The following ANKAR variants were observed in gnomAD, a reference collection of about 807,000 sequenced individuals.
ANKAR encodes ankyrin and armadillo repeat-containing protein.
Under a neutral mutation model 146.2 loss-of-function variants are expected in ANKAR, and 136 were observed. That is an observed-to-expected ratio of 0.93 (90% CI 0.81 to 1.07). The LOEUF (loss-of-function observed/expected upper bound fraction) is 1.07. Among genes scored for constraint, ANKAR ranks in the 50% least tolerant of loss-of-function variants. ANKAR has a pLI of 0.00. For missense variants in ANKAR, 1,567 were observed against 1,679.9 expected (o/e 0.93, Z 1.18); for synonymous variants, 500 against 575.8 (o/e 0.87, Z 1.88).
In ANKAR at chr2:189,745,027, C is replaced by CTACTAATAA. The variant is rs376824673; in HGVS notation, c.4057+241_4057+242insCTAATAATA. On this transcript the variant is annotated intron_variant, in intron 22 of 22. Coordinates refer to ENST00000684021, the MANE Select transcript of ANKAR (RefSeq NM_001378068.1). ...ACTACTACTACTACTACTACTACTA[C>CTACTAATAA]TAATAATACAAAAATTAGCCAGGCA... Among the ~76,000 whole-genome samples the CTACTAATAA allele has an allele frequency of 1.5e-4, 20 of 131,116 alleles. 1 individual carries two copies. Among genetic ancestry groups the CTACTAATAA allele is most frequent in the African/African-American group, 5.0e-4 (18 of 35,848 alleles). The allele number at this position is 131,116 out of a possible 152,430, so 86.0% of individuals were successfully genotyped here.
At position 189,744,620 on chromosome 2, in the gene ANKAR, G is replaced by A. The variant is rs539732127; in HGVS notation, c.4011-122G>A. The A allele has an allele frequency of 5.0e-4, 299 of 603,336 alleles. 7 individuals are homozygous for A. In the South Asian group the frequency reaches 5.9e-3, roughly 12 times the overall value. The allele number at this position is 603,336 out of a possible 1,614,324, so 37.4% of individuals were successfully genotyped here. A position where few individuals can be genotyped will look rare whatever the true frequency, so the allele number is the denominator to read the frequency against. ...CATGCAGAGTTAGTGGAGGTAACATGTATGAATTAGGCCATTAGGCATTAA... is the reference window on the plus strand; with the variant it reads ...CATGCAGAGTTAGTGGAGGTAACATATATGAATTAGGCCATTAGGCATTAA... On this transcript the variant is annotated intron_variant, in intron 21 of 22. Transcript: ENST00000684021.
At chr2:189,744,148 G>T (rs1159357647) in intron 21 of ANKAR, among the ~76,000 whole-genome samples, 1 of 152,112 alleles carries the variant, frequency 6.6e-6, no homozygotes, top group Non-Finnish European at 1.5e-5. Context: ...AAGAGAATAG[G>T]ATCCAATAGT....
intron 3 of ANKAR, among the ~76,000 whole-genome samples, chr2:189,690,593 A>G (rs1036250013): frequency 1.3e-5 from 2 of 152,210 alleles, no homozygotes; most frequent in Non-Finnish European, 2.9e-5. Context: ...TTGCTTTCCA[A>G]GCATGTAGGC....
intron 2 of ANKAR, among the ~76,000 whole-genome samples, chr2:189,682,291 C>A (rs1232651528): frequency 1.3e-5 from 2 of 151,900 alleles, no homozygotes; most frequent in African/African-American, 4.8e-5. Context: ...CATAGTGAGA[C>A]CCCCATCTTT....
At chr2:189,706,590 A>C (rs1004043511) in intron 8 of ANKAR, among the ~76,000 whole-genome samples, 15 of 152,232 alleles carry the variant, frequency 9.9e-5, no homozygotes, top group Non-Finnish European at 7.3e-5. Flanking sequence ...CCTCAGTTAC[A>C]TGATTTGCAA....
At chr2:189,692,548 T>A in intron 4 of ANKAR, 130 bp downstream of exon 4, 2 of 763,686 alleles carry the variant, frequency 2.6e-6, no homozygotes, top group East Asian at 5.8e-5. Context: ...AACTCAATAA[T>A]TTTTTCATAC....
In ANKAR at chr2:189,676,642, T is replaced by G; in HGVS notation, c.152T>G (p.Leu51Arg). The G allele has an allele frequency of 6.2e-7, 1 of 1,614,180 alleles. No individual in the cohort carries two copies. The highest frequency in any genetic ancestry group is 8.5e-7 in the Non-Finnish European group (1 of 1,180,022). ...SEIQELLTTA[L>R]VSWLSAKEDV... ...ATACAAGAGTTACTAACTACTGCACTAGTTAGCTGGTTGTCTGCCAAAGAG... is the reference window on the plus strand; with the variant it reads ...ATACAAGAGTTACTAACTACTGCACGAGTTAGCTGGTTGTCTGCCAAAGAG... Residue 51 changes from leucine to arginine, a missense_variant, in exon 2 of 23, where the codon CTA becomes CGA. By Grantham distance (102) the Leu-to-Arg change is moderately radical. Coordinates refer to ENST00000684021, the MANE Select transcript of ANKAR (RefSeq NM_001378068.1).
chr2:189,754,426 T>G, intron 18 of ANKAR: 1 of 1,328,316 alleles, frequency 7.5e-7, no homozygotes, highest in Non-Finnish European at 1.0e-6. Context: ...AATTGAAAAT[T>G]ACTAACAAAA....
intron 10 of ANKAR, among the ~76,000 whole-genome samples, chr2:189,718,790 C>T (rs1263660139): frequency 6.7e-5 from 10 of 149,736 alleles, no homozygotes; most frequent in Admixed American, 1.3e-4. Context: ...TCGCCCAGGC[C>T]GGACTGCGGA....
rs1025665503 is a variant in ANKAR at position 189,676,772 on chromosome 2, C to G, written c.282C>G (p.Leu94=). ...ILLTPVDPTA[L]LDYREVHQMI... ...TGACTCCCGTGGACCCTACTGCCCTCTTAGACTATAGAGAGGTCCATCAAA... is the reference window on the plus strand; with the variant it reads ...TGACTCCCGTGGACCCTACTGCCCTGTTAGACTATAGAGAGGTCCATCAAA... Residue 94 remains leucine, a synonymous_variant, in exon 2 of 23, where the codon CTC becomes CTG. Coordinates refer to ENST00000684021, the MANE Select transcript of ANKAR (RefSeq NM_001378068.1). The G allele has an allele frequency of 3.7e-6, 6 of 1,614,070 alleles. No homozygotes were observed. The Admixed American group carries it at 6.7e-5, about 18-fold the overall frequency.
At chr2:189,741,255 T>A (rs1434747318) in intron 19 of ANKAR, 87 bp from the exon 20 acceptor site, 3 of 954,206 alleles carry the variant, frequency 3.1e-6, no homozygotes, top group Non-Finnish European at 4.5e-6. Context: ...TGACACAAAC[T>A]TTTTTCAGTG....
intron 10 of ANKAR, among the ~76,000 whole-genome samples, chr2:189,717,443 GC>G (rs1399942266): frequency 6.6e-6 from 1 of 152,176 alleles, no homozygotes; most frequent in Non-Finnish European, 1.5e-5. Context: ...AACAACAGAT[GC>G]TGGAGAGGAT....
intron 10 of ANKAR, among the ~76,000 whole-genome samples, chr2:189,714,083 C>A (rs1366572178): frequency 6.6e-6 from 1 of 152,062 alleles, no homozygotes; most frequent in Non-Finnish European, 1.5e-5. Flanking sequence ...ATATATGCAC[C>A]CAATACTGGA....
intron 18 of ANKAR, among the ~76,000 whole-genome samples, chr2:189,757,846 TCTC>T (rs1251050891): frequency 3.9e-5 from 6 of 152,202 alleles, no homozygotes; most frequent in East Asian, 1.9e-4. Flanking sequence ...TGCCCAGTAG[TCTC>T]CTCAAGTGAC....
chr2:189,729,985 A>T (rs549404085), intron 15 of ANKAR, among the ~76,000 whole-genome samples: 5 of 152,146 alleles, frequency 3.3e-5, no homozygotes, highest in Non-Finnish European at 7.3e-5. Flanking sequence ...AGTGGAAAAA[A>T]AAAAAGAGAG....
intron 11 of ANKAR, among the ~76,000 whole-genome samples, chr2:189,720,332 C>G (rs980303604): frequency 2.0e-5 from 3 of 152,014 alleles, no homozygotes; most frequent in Non-Finnish European, 4.4e-5. Flanking sequence ...ACTGCAACCT[C>G]TGCCTCGTGG....
intron 2 of ANKAR, among the ~76,000 whole-genome samples, chr2:189,682,346 A>G (rs2034842966): frequency 6.6e-6 from 1 of 152,148 alleles, no homozygotes; most frequent in South Asian, 2.1e-4. Context: ...ACCTAGTAGA[A>G]ATATTTTTTT....
rs183875592 is a variant in ANKAR, at chr2:189,692,275, C to A, written c.1060C>A (p.Arg354=). The change falls in exon 4 of 23, where the codon CGA becomes AGA. Residue 354 remains arginine (R), a synonymous_variant. Transcript: ENST00000684021. ...PFSDDKVKTE[R]ELPPFIYGRD... ...TGGAGATGACAAGGTCAAGACAGAG[C>A]GAGAATTGCCTCCATTTATTTATGG... 3 of 1,611,118 alleles carry A rather than the reference C, an allele frequency of 1.9e-6. No individual in the cohort carries two copies. The East Asian group carries it at 6.7e-5, about 36-fold the overall frequency.
intron 3 of ANKAR, among the ~76,000 whole-genome samples, chr2:189,691,552 T>C (rs1165932832): frequency 6.6e-6 from 1 of 151,948 alleles, no homozygotes; most frequent in Non-Finnish European, 1.5e-5. Context: ...TTTCTTATAA[T>C]TGGGAGTAAG....
Sources: allele counts gnomAD v4.1 joint callset (sites outside exome capture counted in the v4.1 genomes callset), GRCh38; gene constraint gnomAD v4.1.1; transcripts MANE v1.5; gene names NCBI Gene and HGNC (gene_info 2026-07-23, HGNC 2026-07-21).